Variants in PREX2 observed in about 807,000 individuals in gnomAD.
PREX2 encodes the protein phosphatidylinositol 3,4,5-trisphosphate-dependent Rac exchanger 2 protein.
Under a neutral mutation model 203.2 loss-of-function variants are expected in PREX2, and 107 were observed. That is an observed-to-expected ratio of 0.53 (90% CI 0.45 to 0.62). The LOEUF is 0.62. Among genes scored for constraint, PREX2 ranks in the 20% least tolerant of loss-of-function variants. The pLI is 0.00. For synonymous variants in PREX2, 672 were observed against 663.6 expected (o/e 1.01, Z -0.19); for missense variants, 1,777 against 1,955.9 (o/e 0.91, Z 1.72).
At chr8:68,099,515 C>T (rs1439397167) in intron 22 of PREX2, among the ~76,000 whole-genome samples, 167 bp from the exon 23 acceptor site, 1 of 152,166 alleles carries the variant, frequency 6.6e-6, no homozygotes, top group Non-Finnish European at 1.5e-5. Context: ...AATTCCCTGG[C>T]AGCTACCCAG....
chr8:67,971,604 A>T (rs1222747870), intron 1 of PREX2, among the ~76,000 whole-genome samples: 1 of 152,206 alleles, frequency 6.6e-6, no homozygotes, highest in East Asian at 1.9e-4. Context: ...CACTGACAAA[A>T]TCCACTTATA....
intron 11 of PREX2, among the ~76,000 whole-genome samples, chr8:68,063,369 A>G (rs1808916276): frequency 6.6e-6 from 1 of 152,138 alleles, no homozygotes; most frequent in Non-Finnish European, 1.5e-5. Context: ...AGCCAAGGAC[A>G]TGTACACAAA....
intron 37 of PREX2, among the ~76,000 whole-genome samples, chr8:68,194,800 C>CAA (rs11301210): frequency 8.4e-5 from 12 of 142,858 alleles, no homozygotes; most frequent in African/African-American, 2.3e-4. Context: ...GACTGTGTCT[C>CAA]AAAAAAAAAA....
In PREX2 at chr8:68,196,731, C is replaced by A. The variant is rs111716893; in HGVS notation, c.4604+4206C>A. Among the ~76,000 whole-genome samples the A allele has an allele frequency of 8.8e-3, 1,338 of 151,248 alleles. 20 individuals carry two copies. Among genetic ancestry groups the A allele is most frequent in the African/African-American group, 0.03 (1,212 of 40,838 alleles). On this transcript the variant is annotated intron_variant, in intron 37 of 39. Transcript: ENST00000288368. ...TTAAAGATGTATGGCACCTCCCCCC[C>A]CCAACTCTCTCTTCCTCCTGCTCCA...
Position 68,042,461 on chromosome 8 carries a change from A to G in PREX2, c.840-2026A>G, listed in dbSNP as rs547214614. On this transcript the variant is annotated intron_variant, in intron 7 of 39. Coordinates refer to ENST00000288368, the MANE Select transcript of PREX2 (RefSeq NM_024870.4). ...ATTTGTATTCAACATAGTTTCTAAA[A>G]ATATATATCCATTTTGTGTGTAGCA... 2.6e-5 allele frequency among the ~76,000 whole-genome samples: 4 copies of G among 152,152 alleles called. No homozygotes were observed. In the East Asian group the frequency reaches 7.7e-4, roughly 29 times the overall value.
intron 26 of PREX2, 25 bp downstream of exon 26, chr8:68,115,957 A>G (rs749528542): frequency 1.9e-6 from 3 of 1,541,596 alleles, no homozygotes; most frequent in Admixed American, 4.2e-5. Flanking sequence ...CCTCAAACTC[A>G]TTTTCTTAAC....
At chr8:68,151,104 A>G (rs1460553814) in intron 34 of PREX2, among the ~76,000 whole-genome samples, 1 of 152,080 alleles carries the variant, frequency 6.6e-6, no homozygotes, top group Non-Finnish European at 1.5e-5. Context: ...TAATTTGGCT[A>G]CATCTGCAAA....
At chr8:68,057,934 G>T (rs924686429) in intron 10 of PREX2, among the ~76,000 whole-genome samples, 10 of 152,184 alleles carry the variant, frequency 6.6e-5, no homozygotes, top group African/African-American at 2.4e-4. Flanking sequence ...CACTTACACT[G>T]TGTCATATGG....
intron 11 of PREX2, 68 bp from the exon 12 acceptor site, chr8:68,068,965 T>C: frequency 3.3e-6 from 2 of 603,492 alleles, no homozygotes; most frequent in Non-Finnish European, 2.7e-6. Context: ...ATTTAATAAA[T>C]TTATTTGCTG....
chr8:68,213,757 T>C (rs182621039), intron 37 of PREX2, among the ~76,000 whole-genome samples: 35 of 152,352 alleles, frequency 2.3e-4, no homozygotes, highest in Admixed American at 2.0e-3. Flanking sequence ...TAAACATTTC[T>C]GTATAACTTT....
intron 25 of PREX2, among the ~76,000 whole-genome samples, chr8:68,113,623 T>A (rs1394300960): frequency 6.6e-6 from 1 of 152,236 alleles, no homozygotes; most frequent in Non-Finnish European, 1.5e-5. Flanking sequence ...TTCACTGGTG[T>A]CTAAAACCTA....
At chr8:68,047,488 T>C (rs941973292) in intron 8 of PREX2, among the ~76,000 whole-genome samples, 11 of 110,392 alleles carry the variant, frequency 1.0e-4, no homozygotes, top group Admixed American at 8.3e-4. Flanking sequence ...TATATATATA[T>C]ATATATATAT....
intron 35 of PREX2, among the ~76,000 whole-genome samples, chr8:68,169,572 T>C (rs141605382): frequency 9.9e-4 from 151 of 152,304 alleles, no homozygotes; most frequent in African/African-American, 3.4e-3. Flanking sequence ...GTGAGTTATA[T>C]GGATTGTTTG....
intron 4 of PREX2, among the ~76,000 whole-genome samples, chr8:68,022,913 T>C (rs1197553899): frequency 6.6e-6 from 1 of 152,222 alleles, no homozygotes; most frequent in Non-Finnish European, 1.5e-5. Context: ...CTTCTTTAAC[T>C]TAGTAAAATG....
intron 20 of PREX2, among the ~76,000 whole-genome samples, chr8:68,091,448 T>G (rs900522253): frequency 2.0e-5 from 3 of 152,236 alleles, no homozygotes; most frequent in African/African-American, 7.2e-5. Flanking sequence ...AAGCCTTGTA[T>G]TTTCCTGTCA....
intron 1 of PREX2, among the ~76,000 whole-genome samples, chr8:67,969,004 C>A (rs1805850414): frequency 6.6e-6 from 1 of 152,186 alleles, no homozygotes; most frequent in African/African-American, 2.4e-5. Flanking sequence ...GTAGCTCTTA[C>A]TTGGAGGCTT....
intron 8 of PREX2, among the ~76,000 whole-genome samples, chr8:68,047,124 C>G (rs1808374921): frequency 6.6e-6 from 1 of 151,960 alleles, no homozygotes; most frequent in Admixed American, 6.6e-5. Flanking sequence ...AGGAACAAGG[C>G]ATCAGCGTAT....
chr8:67,992,677 A>G (rs6472367), intron 1 of PREX2, among the ~76,000 whole-genome samples: 74,823 of 152,038 alleles, frequency 0.49, 18,793 homozygotes, highest in South Asian at 0.61. Flanking sequence ...CAATGGCACT[A>G]TGACTGTAGG....
chr8:68,099,908 A>G, intron 23 of PREX2, 65 bp downstream of exon 23: 1 of 1,357,406 alleles, frequency 7.4e-7, no homozygotes. Context: ...TCAAATTTAA[A>G]TCAATTTTTG....
Sources: allele counts gnomAD v4.1 joint callset (sites outside exome capture counted in the v4.1 genomes callset), GRCh38; gene constraint gnomAD v4.1.1; transcripts MANE v1.5; gene names NCBI Gene and HGNC (gene_info 2026-07-23, HGNC 2026-07-21).